The following UBAP2 variants were observed in gnomAD, a reference collection of about 807,000 sequenced individuals.
The protein encoded by UBAP2 is ubiquitin associated protein 2.
Under a neutral mutation model 139.6 loss-of-function variants are expected in UBAP2, and 75 were observed. The observed-to-expected ratio is 0.54, with a 90% CI of 0.45 to 0.65. The LOEUF is 0.65. Ranked by LOEUF, UBAP2 falls within the 30% of genes least tolerant of loss-of-function variation. The pLI is 0.00. For synonymous variants in UBAP2, 526 were observed against 526.2 expected (o/e 1.00, Z 0.01); for missense variants, 1,368 against 1,369.6 (o/e 1.00, Z 0.02).
intron 10 of UBAP2, among the ~76,000 whole-genome samples, chr9:33,959,137 AGCAAGG>A (rs1209007604): frequency 3.3e-5 from 5 of 150,724 alleles, no homozygotes; most frequent in African/African-American, 1.2e-4. Flanking sequence ...ACAGAGCGAG[AGCAAGG>A]CCCTGTCTCA....
chr9:34,018,484 T>C (rs908676096), intron 1 of UBAP2, among the ~76,000 whole-genome samples: 7 of 152,058 alleles, frequency 4.6e-5, no homozygotes, highest in Admixed American at 1.3e-4. Flanking sequence ...AATTACCATA[T>C]GATCCAGCAA....
intron 8 of UBAP2, among the ~76,000 whole-genome samples, chr9:33,965,462 T>C (rs1827374679): frequency 6.6e-6 from 1 of 152,222 alleles, no homozygotes; most frequent in Non-Finnish European, 1.5e-5. Flanking sequence ...ATGTACTTTG[T>C]CAATTTTCTC....
intron 2 of UBAP2, among the ~76,000 whole-genome samples, chr9:34,006,870 T>C (rs1260488926): frequency 2.0e-5 from 3 of 152,112 alleles, no homozygotes; most frequent in African/African-American, 7.2e-5. Flanking sequence ...CTAGAGAAAC[T>C]GACTTAAGTA....
chr9:34,007,722 T>TCTGCCTCCCCGATTCACGCCATTCTC (rs1823357478), intron 2 of UBAP2, among the ~76,000 whole-genome samples: 1 of 150,846 alleles, frequency 6.6e-6, no homozygotes, highest in Non-Finnish European at 1.5e-5. Context: ...CACTGCAAGC[T>TCTGCCTCCCCGATTCACGCCATTCTC]CTGCCTCCCC....
chr9:33,922,626 T>C (rs778396687), intron 28 of UBAP2, 27 bp from the exon 29 acceptor site: 1 of 1,608,438 alleles, frequency 6.2e-7, no homozygotes, highest in Admixed American at 1.7e-5. Flanking sequence ...GGGAAGGCTG[T>C]CAAGGCTGGA....
At chr9:33,935,382 G>A (rs912812519) in intron 17 of UBAP2, 2 of 156,078 alleles carry the variant, frequency 1.3e-5, no homozygotes, top group Non-Finnish European at 2.8e-5. Flanking sequence ...TTGTGCCTCA[G>A]CCTCCCAAGT....
At chr9:33,948,772 A>C in intron 12 of UBAP2, 185 bp from the exon 13 acceptor site, 2 of 513,388 alleles carry the variant, frequency 3.9e-6, no homozygotes, top group Non-Finnish European at 3.4e-6. Flanking sequence ...GACTAAATAA[A>C]TGCAGCTATC....
intron 6 of UBAP2, among the ~76,000 whole-genome samples, chr9:33,983,572 A>C (rs1485022921): frequency 6.6e-6 from 1 of 152,196 alleles, no homozygotes; most frequent in Non-Finnish European, 1.5e-5. Context: ...TTGGTCTTAT[A>C]CTGTGACCGC....
intron 3 of UBAP2, chr9:33,997,804 A>G (rs1452488190): frequency 1.3e-5 from 2 of 152,206 alleles, no homozygotes; most frequent in African/African-American, 4.8e-5. Flanking sequence ...AGTATATCTC[A>G]AACTGTATGA....
At chr9:33,955,688 TG>T (rs1826499126) in intron 11 of UBAP2, among the ~76,000 whole-genome samples, 1 of 151,112 alleles carries the variant, frequency 6.6e-6, no homozygotes, top group South Asian at 2.1e-4. Flanking sequence ...TAGCTGGGCG[TG>T]GGGGCGCATG....
chr9:33,984,204 T>C (rs1821007363), intron 6 of UBAP2, among the ~76,000 whole-genome samples: 1 of 152,104 alleles, frequency 6.6e-6, no homozygotes, highest in South Asian at 2.1e-4. Flanking sequence ...ACACCCGGCC[T>C]GAATCCCTGG....
intron 12 of UBAP2, 51 bp downstream of exon 12, chr9:33,953,234 T>C (rs895811239): frequency 2.7e-6 from 4 of 1,492,968 alleles, no homozygotes; most frequent in Non-Finnish European, 3.7e-6. Flanking sequence ...AGAATACATT[T>C]GCTAATGGGT....
intron 8 of UBAP2, among the ~76,000 whole-genome samples, chr9:33,964,391 T>C (rs1384788076): frequency 1.3e-5 from 2 of 151,980 alleles, no homozygotes; most frequent in Admixed American, 6.6e-5. Context: ...AAATAATAAG[T>C]GGGAGGAGAT....
chr9:34,028,471 T>G (rs922904065), intron 1 of UBAP2, among the ~76,000 whole-genome samples: 1 of 151,678 alleles, frequency 6.6e-6, no homozygotes, highest in African/African-American at 2.4e-5. Flanking sequence ...CCTCTGCCTC[T>G]TGGGTTCAAG....
intron 11 of UBAP2, 124 bp downstream of exon 11, chr9:33,955,955 A>G (rs1826525560): frequency 1.5e-6 from 1 of 680,088 alleles, no homozygotes; most frequent in Non-Finnish European, 2.5e-6. Flanking sequence ...TGGTAAAATA[A>G]AAGTTAGCCT....
chr9:33,929,009 A>G (rs184299900), intron 19 of UBAP2, among the ~76,000 whole-genome samples: 1 of 152,308 alleles, frequency 6.6e-6, no homozygotes, highest in Non-Finnish European at 1.5e-5. Flanking sequence ...AGCCAAAAAC[A>G]TGGTTTCCTG....
In UBAP2 at chr9:33,922,440, C is replaced by T. The variant is rs771760254; in HGVS notation, c.*64G>A. ...GGAAAGGGCACTGGGCTCCCAAATA[C>T]GTGCTCGTGTGTTCTCTCCTGCCCA... On this transcript the variant is annotated 3_prime_UTR_variant, in exon 29 of 29. Coordinates refer to ENST00000379238, the MANE Select transcript of UBAP2 (RefSeq NM_001370062.2). 7.3e-5 allele frequency: 110 copies of T among 1,515,202 alleles called. No homozygotes were observed. Among genetic ancestry groups the T allele is most frequent in the Middle Eastern group, 3.4e-4 (2 of 5,924 alleles). 93.9% of individuals were successfully genotyped at this position (1,515,202 alleles called of 1,614,324 possible).
At chr9:33,939,491 G>A (rs1056711976) in intron 16 of UBAP2, among the ~76,000 whole-genome samples, 25 of 151,246 alleles carry the variant, frequency 1.7e-4, no homozygotes, top group Admixed American at 1.4e-3. Flanking sequence ...GAGCCACTGC[G>A]CCCAGATTCC....
intron 1 of UBAP2, among the ~76,000 whole-genome samples, chr9:34,018,218 T>C (rs1403596797): frequency 2.5e-5 from 3 of 120,966 alleles, no homozygotes; most frequent in Non-Finnish European, 3.5e-5. Context: ...CCTTTAGGGA[T>C]AGCGATTACA....
Sources: gnomAD v4.1 joint callset for allele counts (sites outside exome capture counted in the v4.1 genomes callset) on GRCh38, gnomAD v4.1.1 for gene constraint, MANE v1.5 for transcripts, NCBI Gene and HGNC (gene_info 2026-07-23, HGNC 2026-07-21) for gene names.